The following CRK variants were observed in gnomAD, a reference collection of about 807,000 sequenced individuals.
CRK encodes CRK proto-oncogene, adaptor protein.
CRK carries 4 observed loss-of-function variants against 29.8 expected under a neutral mutation model. That is an observed-to-expected ratio of 0.13 (90% CI 0.07 to 0.31). The LOEUF is 0.31. Ranked by LOEUF, CRK falls within the 10% of genes least tolerant of loss-of-function variation. The pLI, the probability that CRK is intolerant of heterozygous loss-of-function variation, is 1.00. For synonymous variants in CRK, 153 were observed against 164.9 expected (o/e 0.93, Z 0.55); for missense variants, 274 against 396.5 (o/e 0.69, Z 2.62).
chr17:1,453,438 A>G (rs2074033556), intron 1 of CRK, among the ~76,000 whole-genome samples: 1 of 152,212 alleles, frequency 6.6e-6, no homozygotes, highest in South Asian at 2.1e-4. Context: ...TCATGTGACG[A>G]CATATAATGC....
chr17:1,448,389 C>G (rs765847115), intron 1 of CRK, among the ~76,000 whole-genome samples: 1 of 152,030 alleles, frequency 6.6e-6, no homozygotes, highest in Non-Finnish European at 1.5e-5. Context: ...CTTTGGGTGG[C>G]AGAGCCAGGC....
In CRK at chr17:1,429,651, C is replaced by T. The variant is rs539333222; in HGVS notation, c.778-6001G>A. On this transcript the variant is annotated intron_variant, in intron 2 of 2. Coordinates refer to ENST00000300574, the MANE Select transcript of CRK (RefSeq NM_016823.4). The stretch of plus-strand genomic sequence containing the variant: ...TTAAAAAAAAAAAAAAGAGGCCAGA[C>T]GCAGTGGCTCACACCTATAATCCCA... Among the ~76,000 whole-genome samples the T allele has an allele frequency of 9.9e-5, 15 of 151,316 alleles. No individual in the cohort carries two copies. In the South Asian group the frequency reaches 2.1e-3, roughly 21 times the overall value.
intron 1 of CRK, among the ~76,000 whole-genome samples, chr17:1,449,859 C>T (rs945248190): frequency 4.6e-5 from 7 of 152,134 alleles, no homozygotes; most frequent in Non-Finnish European, 8.8e-5. Flanking sequence ...ACAGGTTCAA[C>T]GGAAAAGGCT....
intron 1 of CRK, among the ~76,000 whole-genome samples, chr17:1,442,997 G>A (rs867707938): frequency 1.6e-5 from 1 of 62,788 alleles, no homozygotes; most frequent in Admixed American, 1.5e-4. Flanking sequence ...TTTTTTTTTT[G>A]AGACGGACTC....
intron 2 of CRK, chr17:1,424,774 C>T (rs1257379688): frequency 3.3e-5 from 5 of 152,174 alleles, no homozygotes; most frequent in Non-Finnish European, 7.3e-5. Context: ...CTTGGTGAGC[C>T]TGACACAGGT....
At chr17:1,444,598 G>A (rs997710432) in intron 1 of CRK, among the ~76,000 whole-genome samples, 2 of 144,878 alleles carry the variant, frequency 1.4e-5, no homozygotes, top group East Asian at 4.7e-4. Context: ...GCCGAAGCGG[G>A]GGGGGGGATC....
At chr17:1,445,426 G>A (rs1344720471) in intron 1 of CRK, among the ~76,000 whole-genome samples, 2 of 152,196 alleles carry the variant, frequency 1.3e-5, no homozygotes, top group Non-Finnish European at 2.9e-5. Flanking sequence ...GGGTGCGAGT[G>A]CCAGGACTGT....
chr17:1,452,614 C>G (rs1326498436), intron 1 of CRK, among the ~76,000 whole-genome samples: 1 of 151,928 alleles, frequency 6.6e-6, no homozygotes, highest in Admixed American at 6.6e-5. Flanking sequence ...ATGGTGAAAC[C>G]CCATCTCTAC....
intron 2 of CRK, among the ~76,000 whole-genome samples, chr17:1,435,611 G>T (rs933619915): frequency 6.6e-6 from 1 of 152,030 alleles, no homozygotes; most frequent in South Asian, 2.1e-4. Context: ...AAGAGGCAGT[G>T]ATAACTCTGA....
chr17:1,446,961 T>G (rs184476744), intron 1 of CRK, among the ~76,000 whole-genome samples: 4 of 152,316 alleles, frequency 2.6e-5, no homozygotes, highest in African/African-American at 9.6e-5. Flanking sequence ...GGAAAACCTT[T>G]GATGTACTTT....
chr17:1,452,832 C>G (rs531467859), intron 1 of CRK, among the ~76,000 whole-genome samples: 1 of 149,792 alleles, frequency 6.7e-6, no homozygotes, highest in South Asian at 2.1e-4. Flanking sequence ...TGACCAGGCA[C>G]AGTGGCTCAC....
chr17:1,436,586 G>A (rs749780717), intron 2 of CRK, 34 bp downstream of exon 2: 3 of 1,561,676 alleles, frequency 1.9e-6, no homozygotes, highest in Non-Finnish European at 2.6e-6. Context: ...CCCTGCAGCA[G>A]ATCTCTTCTT....
At chr17:1,424,066 C>CGT (rs2073753016) in intron 2 of CRK, among the ~76,000 whole-genome samples, 2 of 114,152 alleles carry the variant, frequency 1.8e-5, no homozygotes, top group South Asian at 3.2e-4. Context: ...CAGCTTTCTC[C>CGT]GTTTTTTTTT....
intron 2 of CRK, among the ~76,000 whole-genome samples, chr17:1,432,826 T>G (rs1448108834): frequency 6.7e-6 from 1 of 149,862 alleles, no homozygotes; most frequent in Non-Finnish European, 1.5e-5. Context: ...AAGATTGAGG[T>G]ATTTAAACAG....
At chr17:1,452,746 C>T (rs535640137) in intron 1 of CRK, among the ~76,000 whole-genome samples, 26 of 151,430 alleles carry the variant, frequency 1.7e-4, no homozygotes, top group African/African-American at 5.3e-4. Flanking sequence ...GCCAATATCG[C>T]GCCATTGCGC....
At chr17:1,444,175 T>C (rs1460244395) in intron 1 of CRK, among the ~76,000 whole-genome samples, 1 of 152,106 alleles carries the variant, frequency 6.6e-6, no homozygotes, top group Non-Finnish European at 1.5e-5. Context: ...CAAGCTAAAC[T>C]GCAGTAGCTA....
Position 1,456,169 on chromosome 17 carries a change from G to A in CRK, c.-52C>T, listed in dbSNP as rs1279505612. 2.2e-6 allele frequency: 3 copies of A among 1,391,618 alleles called. No individual in the cohort carries two copies. The highest frequency in any genetic ancestry group is 3.4e-5 in the South Asian group (2 of 59,406). The allele number at this position is 1,391,618 out of a possible 1,614,324, so 86.2% of individuals were successfully genotyped here. On this transcript the variant is annotated 5_prime_UTR_variant, in exon 1 of 3. Transcript: ENST00000300574. ...GTGCCGCCGCCGCGCGCGCCCCTCCGGCCCCCGGCGCCCGCCGCCCAGCGG... is the reference window on the plus strand; with the variant it reads ...GTGCCGCCGCCGCGCGCGCCCCTCCAGCCCCCGGCGCCCGCCGCCCAGCGG...
chr17:1,440,739 C>A (rs1365688466), intron 1 of CRK, among the ~76,000 whole-genome samples: 1 of 151,712 alleles, frequency 6.6e-6, no homozygotes, highest in Non-Finnish European at 1.5e-5. Flanking sequence ...AACAAACAAA[C>A]AAACAAAAAA....
intron 1 of CRK, among the ~76,000 whole-genome samples, chr17:1,438,995 G>A (rs1028613069): frequency 2.6e-5 from 4 of 151,932 alleles, no homozygotes; most frequent in African/African-American, 4.8e-5. Flanking sequence ...CACCACGCCC[G>A]GCTAATTTTT....
Sources: gnomAD v4.1 joint callset for allele counts (sites outside exome capture counted in the v4.1 genomes callset) on GRCh38, gnomAD v4.1.1 for gene constraint, MANE v1.5 for transcripts, NCBI Gene and HGNC (gene_info 2026-07-23, HGNC 2026-07-21) for gene names.